SGMS1: variants seen among roughly 807,000 people sequenced by gnomAD.
SGMS1 encodes phosphatidylcholine:ceramide cholinephosphotransferase 1.
In SGMS1, 13 loss-of-function variants were observed where a neutral mutation model predicts 46.2. That is an observed-to-expected ratio of 0.28 (90% confidence interval 0.18 to 0.45). The LOEUF (loss-of-function observed/expected upper bound fraction) is 0.45, where lower values mean the gene tolerates loss of function less well. SGMS1 is among the 20% of genes least tolerant of loss of function. SGMS1 has a pLI of 1.00. For missense variants in SGMS1, 324 were observed against 519.9 expected (o/e 0.62, Z 3.66); for synonymous variants, 203 against 187.8 (o/e 1.08, Z -0.66).
At chr10:50,527,061 C>A (rs113464297) in intron 2 of SGMS1, among the ~76,000 whole-genome samples, 5,868 of 65,442 alleles carry the variant, frequency 0.09, 441 homozygotes, top group African/African-American at 0.3. Flanking sequence ...GAGACTCTGT[C>A]TCAAAAAAAA....
chr10:50,410,673 G>C (rs1467644423), intron 6 of SGMS1, among the ~76,000 whole-genome samples: 1 of 152,196 alleles, frequency 6.6e-6, no homozygotes. Flanking sequence ...ATTCACCGAT[G>C]AGGGCAAGAC....
intron 2 of SGMS1, among the ~76,000 whole-genome samples, chr10:50,545,334 G>A (rs1056731480): frequency 2.0e-5 from 3 of 152,216 alleles, no homozygotes; most frequent in African/African-American, 7.2e-5. Flanking sequence ...AGGTGTCAGA[G>A]CCAAGGCATT....
intron 6 of SGMS1, among the ~76,000 whole-genome samples, chr10:50,432,309 A>T (rs1849413060): frequency 6.6e-6 from 1 of 152,194 alleles, no homozygotes; most frequent in Non-Finnish European, 1.5e-5. Context: ...TAAATACTCA[A>T]ATCTCATCAC....
chr10:50,330,382 G>A (rs1470431537), intron 7 of SGMS1, among the ~76,000 whole-genome samples: 1 of 152,192 alleles, frequency 6.6e-6, no homozygotes, highest in Non-Finnish European at 1.5e-5. Context: ...CTACTCTGGA[G>A]GCTGCAGTGG....
intron 8 of SGMS1, among the ~76,000 whole-genome samples, chr10:50,320,010 T>C (rs1847414534): frequency 6.6e-6 from 1 of 152,210 alleles, no homozygotes; most frequent in African/African-American, 2.4e-5. Context: ...TTTCTCTTAT[T>C]AGTTTTATGA....
chr10:50,327,318 T>C lies in SGMS1; in HGVS notation c.628A>G (p.Ile210Val), dbSNP rs773135740. ...IQWLLLKYKS[I>V]ISRRFFCIVG... ...ATGCAGAAAAATCTTCTGCTAATAA[T>C]AGACCTAGAAAAAGGGAAAAACAGG... Residue 210 changes from isoleucine (I) to valine (V), a missense_variant, in exon 8 of 11, where the codon ATT becomes GTT. Ile to Val is a conservative substitution (Grantham distance 29). Around this residue, in one of 2 missense-constraint regions of SGMS1, gnomAD observed 174 missense variants for 350.1 expected, o/e 0.50. Coordinates refer to ENST00000361781, the MANE Select transcript of SGMS1 (RefSeq NM_147156.4). 4 of 1,581,166 alleles carry C rather than the reference T, an allele frequency of 2.5e-6. No homozygotes were observed. Among genetic ancestry groups the C allele is most frequent in the Non-Finnish European group, 3.5e-6 (4 of 1,152,816 alleles).
chr10:50,309,509 C>T (rs1161262229), intron 9 of SGMS1, among the ~76,000 whole-genome samples: 1 of 152,090 alleles, frequency 6.6e-6, no homozygotes, highest in Non-Finnish European at 1.5e-5. Flanking sequence ...GCCTTGACCC[C>T]GTTAAAGAAT....
chr10:50,491,063 G>A (rs906023847), intron 3 of SGMS1, among the ~76,000 whole-genome samples: 5 of 152,184 alleles, frequency 3.3e-5, no homozygotes, highest in African/African-American at 1.2e-4. Context: ...AAAAGCAGCA[G>A]CAGCCAGGTA....
intron 6 of SGMS1, among the ~76,000 whole-genome samples, chr10:50,356,821 A>T (rs930644259): frequency 2.9e-4 from 44 of 152,300 alleles, no homozygotes; most frequent in Non-Finnish European, 5.7e-4. Context: ...ACAAGGACAA[A>T]AAACCAAACA....
intron 5 of SGMS1, among the ~76,000 whole-genome samples, chr10:50,458,523 T>G (rs76645324): frequency 6.8e-6 from 1 of 146,232 alleles, no homozygotes; most frequent in African/African-American, 2.6e-5. Flanking sequence ...GACCGGCTAA[T>G]TTTTTTTTTG....
At chr10:50,519,706 G>T (rs1203151384) in intron 3 of SGMS1, 125 bp downstream of exon 3, 2 of 152,354 alleles carry the variant, frequency 1.3e-5, no homozygotes, top group African/African-American at 2.4e-5. Flanking sequence ...CACCACAAAG[G>T]CCTGGAAGAT....
chr10:50,487,198 C>G (rs1358656893), intron 3 of SGMS1, among the ~76,000 whole-genome samples: 1 of 152,096 alleles, frequency 6.6e-6, no homozygotes, highest in Non-Finnish European at 1.5e-5. Flanking sequence ...ATGGTTGGAG[C>G]TGGAAGCCAT....
At chr10:50,623,513 C>T (rs1431410318) in intron 1 of SGMS1, 194 bp downstream of exon 1, 2 of 931,526 alleles carry the variant, frequency 2.1e-6, no homozygotes, top group Non-Finnish European at 2.6e-6. Context: ...CCGCTGTGAC[C>T]ACCCACGGGA....
chr10:50,624,052 C>A (rs1321362539), upstream of SGMS1: 1 of 985,286 alleles, frequency 1.0e-6, no homozygotes, highest in Non-Finnish European at 1.2e-6. Flanking sequence ...GGGGGCGGGC[C>A]GGCCGGGCGG....
chr10:50,530,536 G>C (rs1014838029), intron 2 of SGMS1, among the ~76,000 whole-genome samples: 10 of 152,196 alleles, frequency 6.6e-5, no homozygotes, highest in African/African-American at 2.2e-4. Flanking sequence ...AGGCTTGAGT[G>C]CAGTTAGCGC....
At chr10:50,373,504 G>A (rs1848474572) in intron 6 of SGMS1, among the ~76,000 whole-genome samples, 1 of 152,180 alleles carries the variant, frequency 6.6e-6, no homozygotes, top group South Asian at 2.1e-4. Context: ...CAGTGGCATG[G>A]CTCATTAAAA....
intron 5 of SGMS1, among the ~76,000 whole-genome samples, chr10:50,458,595 G>A (rs1383858731): frequency 6.6e-6 from 1 of 151,652 alleles, no homozygotes; most frequent in Admixed American, 6.6e-5. Context: ...TCCTGACCTC[G>A]TGATCTGCCC....
intron 2 of SGMS1, among the ~76,000 whole-genome samples, chr10:50,563,722 G>C (rs1032684056): frequency 2.5e-5 from 3 of 118,120 alleles, no homozygotes; most frequent in African/African-American, 1.0e-4. Context: ...CAGCCTGGGC[G>C]ACAGAGCGAG....
chr10:50,402,949 C>T (rs796371823), intron 6 of SGMS1, among the ~76,000 whole-genome samples: 24 of 152,276 alleles, frequency 1.6e-4, no homozygotes, highest in African/African-American at 4.3e-4. Flanking sequence ...TATAATTTAG[C>T]TCCCACTTAT....
Sources: allele counts gnomAD v4.1 joint callset (sites outside exome capture counted in the v4.1 genomes callset), GRCh38; gene constraint gnomAD v4.1.1; regional missense constraint gnomAD v4.1.1; transcripts MANE v1.5; gene names NCBI Gene and HGNC (gene_info 2026-07-23, HGNC 2026-07-21).